NSF: variants seen among roughly 807,000 people sequenced by gnomAD.
NSF encodes the protein vesicle-fusing ATPase.
A neutral mutation model predicts 50.3 loss-of-function variants in NSF; 14 were observed. The observed-to-expected ratio is 0.28, with a 90% CI of 0.18 to 0.44. The LOEUF is 0.44. NSF is among the 20% of genes least tolerant of loss of function. The pLI, the probability that NSF is intolerant of heterozygous loss-of-function variation, is 1.00. For synonymous variants in NSF, 109 were observed against 175.7 expected, an observed-to-expected ratio of 0.62 and a Z score of 3.00; for missense variants, 218 against 504.3, an observed-to-expected ratio of 0.43 and a Z score of 5.44.
chr17:46,743,654 A>G (rs1032995367), intron 17 of NSF, among the ~76,000 whole-genome samples: 1 of 152,114 alleles, frequency 6.6e-6, no homozygotes, highest in African/African-American at 2.4e-5. Flanking sequence ...TGCATAAGAC[A>G]CTGGTTAAAA....
intron 13 of NSF, among the ~76,000 whole-genome samples, chr17:46,709,748 G>A (rs1446681735): frequency 6.6e-6 from 1 of 152,156 alleles, no homozygotes; most frequent in East Asian, 1.9e-4. Flanking sequence ...ACCCGCCTCA[G>A]CCTCCCAAAG....
intron 9 of NSF, among the ~76,000 whole-genome samples, chr17:46,684,712 T>C (rs1874693710): frequency 6.8e-6 from 1 of 147,900 alleles, no homozygotes; most frequent in African/African-American, 2.5e-5. Flanking sequence ...CAGAAAATTA[T>C]ACAAAAATTA....
intron 15 of NSF, among the ~76,000 whole-genome samples, chr17:46,714,254 GATT>G (rs1451064414): frequency 6.6e-6 from 1 of 152,106 alleles, no homozygotes; most frequent in Non-Finnish European, 1.5e-5. Context: ...GTATCAATTT[GATT>G]AAAAGAGTTA....
chr17:46,734,794 C>T (rs1030731922), intron 17 of NSF, among the ~76,000 whole-genome samples: 10 of 152,236 alleles, frequency 6.6e-5, no homozygotes, highest in Non-Finnish European at 1.0e-4. Context: ...TTGTGGCTCA[C>T]GCCTGTAATC....
At chr17:46,745,264 C>T (rs2059116670) in intron 17 of NSF, among the ~76,000 whole-genome samples, 1 of 152,172 alleles carries the variant, frequency 6.6e-6, no homozygotes, top group Non-Finnish European at 1.5e-5. Flanking sequence ...ATAAAGCTTC[C>T]TTATGAGCAC....
chr17:46,727,224 C>A (rs2058898477), intron 16 of NSF, among the ~76,000 whole-genome samples: 1 of 152,112 alleles, frequency 6.6e-6, no homozygotes. Flanking sequence ...TGTTGAAGTG[C>A]ACTCCTACAG....
chr17:46,713,831 A>C, intron 14 of NSF, 22 bp from the exon 15 acceptor site: 1 of 1,602,834 alleles, frequency 6.2e-7, no homozygotes, highest in African/African-American at 1.3e-5. Flanking sequence ...TTTTCCCCTG[A>C]CTTGCTCATA....
rs370377514 is a variant in NSF, at chr17:46,728,940, A to G, written c.1908+6A>G. The G allele has an allele frequency of 3.9e-6, 6 of 1,525,104 alleles. No individual in the cohort carries two copies. The highest frequency in any genetic ancestry group is 5.4e-6 in the Non-Finnish European group (6 of 1,105,478). The allele number at this position is 1,525,104 out of a possible 1,614,324, so 94.5% of individuals were successfully genotyped here. A position where few individuals can be genotyped will look rare whatever the true frequency, so the allele number is the denominator to read the frequency against. On this transcript the variant is annotated splice_donor_region_variant and intron_variant, in intron 17 of 20. Transcript: ENST00000398238. ...TGAAAAAGGCACCTCCTCAGGTAAA[A>G]TAATACTACTAATAAGGAATATTTT...
intron 15 of NSF, among the ~76,000 whole-genome samples, chr17:46,725,693 T>C (rs984475371): frequency 6.6e-6 from 1 of 152,076 alleles, no homozygotes; most frequent in Non-Finnish European, 1.5e-5. Flanking sequence ...CCAAGCAAGA[T>C]GTTGGTGCGG....
intron 13 of NSF, among the ~76,000 whole-genome samples, chr17:46,708,824 T>TA (rs1568038736): frequency 0.34 from 18,104 of 53,504 alleles, 2,183 homozygotes; most frequent in South Asian, 0.58. Context: ...ATATATATAT[T>TA]TTTTTTTTTT....
At chr17:46,750,252 C>G (rs952337687) in intron 18 of NSF, among the ~76,000 whole-genome samples, 2 of 152,244 alleles carry the variant, frequency 1.3e-5, no homozygotes, top group East Asian at 3.9e-4. Context: ...ACTCAGGAGG[C>G]TGAAGCAGGA....
chr17:46,748,665 C>T lies in NSF; in HGVS notation c.1909-1108C>T, dbSNP rs959649607. Reference sequence around the variant, plus strand: ...CTGTGCCCCAGGCCTAGAGAGTCACCGCTTCAGATTGAACTGTGAACACAC... The same window carrying T: ...CTGTGCCCCAGGCCTAGAGAGTCACTGCTTCAGATTGAACTGTGAACACAC... On this transcript the variant is annotated intron_variant, in intron 17 of 20. Coordinates refer to ENST00000398238, the MANE Select transcript of NSF (RefSeq NM_006178.4). Among the ~76,000 whole-genome samples, 16 of 152,246 alleles carry T rather than the reference C, an allele frequency of 1.1e-4. No homozygotes were observed. In the East Asian group the frequency reaches 2.5e-3, roughly 24 times the overall value.
At chr17:46,622,697 C>T (rs1278080596) in intron 1 of NSF, among the ~76,000 whole-genome samples, 1 of 146,120 alleles carries the variant, frequency 6.8e-6, no homozygotes, top group Non-Finnish European at 1.5e-5. Flanking sequence ...TCGCTTGAAC[C>T]AGGGAGGCAG....
chr17:46,740,103 C>T (rs1223903851), intron 17 of NSF, among the ~76,000 whole-genome samples: 1 of 152,130 alleles, frequency 6.6e-6, no homozygotes, highest in African/African-American at 2.4e-5. Context: ...TTACTTGAAC[C>T]TCACATTGTT....
intron 17 of NSF, among the ~76,000 whole-genome samples, chr17:46,737,660 A>G (rs1206588436): frequency 6.6e-6 from 1 of 151,704 alleles, no homozygotes; most frequent in Non-Finnish European, 1.5e-5. Context: ...GGGTGGGAGA[A>G]AGATGTGAAA....
chr17:46,598,496 T>C (rs1320381088), intron 1 of NSF, among the ~76,000 whole-genome samples: 1 of 152,230 alleles, frequency 6.6e-6, no homozygotes, highest in Non-Finnish European at 1.5e-5. Flanking sequence ...TGGATCTCTT[T>C]CTTCATAAGT....
intron 19 of NSF, among the ~76,000 whole-genome samples, chr17:46,754,436 C>G (rs1336956801): frequency 6.6e-6 from 1 of 152,250 alleles, no homozygotes; most frequent in East Asian, 1.9e-4. Context: ...TCCTGGAGGG[C>G]AGGGAGTTCC....
intron 17 of NSF, among the ~76,000 whole-genome samples, chr17:46,732,161 G>A (rs1034130613): frequency 1.3e-5 from 2 of 152,092 alleles, no homozygotes; most frequent in Non-Finnish European, 2.9e-5. Flanking sequence ...TTCTTTAAAA[G>A]GAGGAACTAT....
At chr17:46,743,410 G>A (rs1296385183) in intron 17 of NSF, among the ~76,000 whole-genome samples, 1 of 152,114 alleles carries the variant, frequency 6.6e-6, no homozygotes, top group South Asian at 2.1e-4. Context: ...CAGAGACCCC[G>A]CCTCAGGAAT....
Sources: gnomAD v4.1 joint callset for allele counts (sites outside exome capture counted in the v4.1 genomes callset) on GRCh38, gnomAD v4.1.1 for gene constraint, MANE v1.5 for transcripts, NCBI Gene and HGNC (gene_info 2026-07-23, HGNC 2026-07-21) for gene names.